The following PCYT1B variants were observed in gnomAD, a reference collection of about 807,000 sequenced individuals.
The protein encoded by PCYT1B is choline-phosphate cytidylyltransferase B.
PCYT1B carries 10 observed loss-of-function variants against 26.4 expected under a neutral mutation model. The ratio of observed to expected loss-of-function variants is 0.38; its 90% CI spans 0.23 to 0.64. PCYT1B has a LOEUF of 0.64. Ranked by LOEUF, PCYT1B falls within the 30% of genes least tolerant of loss-of-function variation. The probability of loss-of-function intolerance (pLI) is 0.56; values close to 1 mark genes in which losing one functional copy is unlikely to be tolerated. For synonymous variants in PCYT1B, 131 were observed against 108.4 expected, an observed-to-expected ratio of 1.21 and a Z score of -1.29; for missense variants, 161 against 292.7, an observed-to-expected ratio of 0.55 and a Z score of 3.28.
chrX:24,599,586 C>T (rs1924895278), intron 3 of PCYT1B, among the ~76,000 whole-genome samples: 1 of 111,282 alleles, frequency 9.0e-6, no homozygotes, highest in African/African-American at 3.3e-5. Context: ...AATTATTTAT[C>T]AAAGTGTATA....
intron 1 of PCYT1B, among the ~76,000 whole-genome samples, chrX:24,671,431 T>C (rs1254064210): frequency 9.0e-6 from 1 of 111,299 alleles, no homozygotes; most frequent in Admixed American, 9.6e-5. Flanking sequence ...CAATATACAG[T>C]ACAAATTTCT....
At chrX:24,670,033 A>C (rs763627231) in intron 1 of PCYT1B, among the ~76,000 whole-genome samples, 1 of 100,043 alleles carries the variant, frequency 1.0e-5, no homozygotes, top group Admixed American at 1.2e-4. Context: ...ACAGAGTAAG[A>C]CCTTGTCTCA....
upstream of PCYT1B, among the ~76,000 whole-genome samples, chrX:24,651,284 G>A (rs1036143529): frequency 2.8e-5 from 3 of 105,275 alleles, no homozygotes; most frequent in East Asian, 3.0e-4. Context: ...GTGAAACCCC[G>A]TCTATTTTAA....
intron 3 of PCYT1B, among the ~76,000 whole-genome samples, chrX:24,603,024 G>C (rs1319836369): frequency 9.0e-6 from 1 of 111,681 alleles, no homozygotes; most frequent in Non-Finnish European, 1.9e-5. Context: ...GGCTGGTTTA[G>C]AACTCCTGAC....
chrX:24,582,278 G>A (rs187966986), intron 5 of PCYT1B, among the ~76,000 whole-genome samples: 32 of 112,420 alleles, frequency 2.8e-4, no homozygotes, highest in Admixed American at 2.7e-3. Context: ...AGTCATGTAA[G>A]ACATTGATGC....
chrX:24,644,449 T>TACACACACACACACAC (rs201474505), intron 1 of PCYT1B, among the ~76,000 whole-genome samples: 16 of 95,358 alleles, frequency 1.7e-4, no homozygotes, highest in Admixed American at 1.2e-3. Flanking sequence ...ATGTGCATGA[T>TACACACACACACACAC]ACACACACAC....
At chrX:24,638,388 G>A (rs1462411505) in intron 1 of PCYT1B, among the ~76,000 whole-genome samples, 1 of 111,681 alleles carries the variant, frequency 9.0e-6, no homozygotes, top group Non-Finnish European at 1.9e-5. Context: ...CCCAAGCAAG[G>A]TCAGCTTCCC....
In PCYT1B at chrX:24,559,374, GAAGA is replaced by G. The variant is rs1177976554; in HGVS notation, c.*2915_*2918del. ...AACAAAGAAGAATGAAAGAAAGAAG[GAAGA>G]AAGAGAAAGAAAAAGAAAGAAAGAA... is the stretch of plus-strand genomic sequence containing the variant. On this transcript the variant is annotated 3_prime_UTR_variant, in exon 8 of 8. Coordinates refer to ENST00000379144, the MANE Select transcript of PCYT1B (RefSeq NM_004845.5). 1.0e-4 allele frequency: 9 copies of G among 90,003 alleles called. No homozygotes were observed. The highest frequency in any genetic ancestry group is 1.3e-4 in the Non-Finnish European group (6 of 45,042). The allele number at this position is 90,003 out of a possible 1,213,427, so 7.4% of individuals were successfully genotyped here.
At chrX:24,591,769 A>T (rs1183551131) in intron 3 of PCYT1B, among the ~76,000 whole-genome samples, 1 of 111,955 alleles carries the variant, frequency 8.9e-6, no homozygotes, top group Non-Finnish European at 1.9e-5. Context: ...TAATTTAAAA[A>T]TTTTAATTGA....
upstream of PCYT1B, among the ~76,000 whole-genome samples, chrX:24,651,472 AATATATATATATATATAT>A (rs200652780): frequency 1.6e-3 from 41 of 26,053 alleles, 1 homozygote; most frequent in African/African-American, 6.5e-3. Flanking sequence ...AAAAAAAAAA[AATATATATATATATATAT>A]ATATATATAT....
At chrX:24,660,678 CAAA>C (rs35663098) in intron 1 of PCYT1B, among the ~76,000 whole-genome samples, 2 of 63,909 alleles carry the variant, frequency 3.1e-5, no homozygotes, top group African/African-American at 6.2e-5. Flanking sequence ...AACTCTATCT[CAAA>C]AAAAAAAAAA....
At chrX:24,563,711 T>C (rs1020388000) in intron 7 of PCYT1B, among the ~76,000 whole-genome samples, 1 of 111,280 alleles carries the variant, frequency 9.0e-6, no homozygotes, top group Non-Finnish European at 1.9e-5. Context: ...GCCAGAGACA[T>C]ATCAGGCGGC....
At chrX:24,612,588 T>A (rs1216107097) in intron 2 of PCYT1B, among the ~76,000 whole-genome samples, 1 of 112,172 alleles carries the variant, frequency 8.9e-6, no homozygotes, top group Non-Finnish European at 1.9e-5. Context: ...CACAATGAGA[T>A]AACACTTCAT....
chrX:24,576,229 A>G (rs901322898), intron 6 of PCYT1B, among the ~76,000 whole-genome samples: 2 of 112,479 alleles, frequency 1.8e-5, no homozygotes, highest in Admixed American at 1.9e-4. Context: ...CCCCCATGAA[A>G]TCATGATGTT....
In PCYT1B at chrX:24,629,802, C is replaced by T. The variant is rs190132104; in HGVS notation, c.118-10718G>A. 2.2e-3 allele frequency among the ~76,000 whole-genome samples: 242 copies of T among 110,396 alleles called. 1 individual carries two copies. The highest frequency in any genetic ancestry group is 7.2e-3 in the African/African-American group (220 of 30,466). On this transcript the variant is annotated intron_variant, in intron 1 of 7. Transcript: ENST00000379144. ...AACCAAACTCCATCTCATGCGGCCA[C>T]TTTCCAACCTCACAGCAGTGAGTGA...
At chrX:24,658,126 T>G (rs1441240398) in intron 1 of PCYT1B, 3 of 112,027 alleles carry the variant, frequency 2.7e-5, no homozygotes, top group Non-Finnish European at 5.6e-5. Flanking sequence ...TGAGCTTGAT[T>G]GACAAGTGAG....
intron 1 of PCYT1B, among the ~76,000 whole-genome samples, chrX:24,658,632 T>C (rs1926974618): frequency 9.1e-6 from 1 of 110,329 alleles, no homozygotes; most frequent in South Asian, 4.0e-4. Context: ...TGGTCACATA[T>C]TCTCTAAGTC....
intron 1 of PCYT1B, among the ~76,000 whole-genome samples, chrX:24,624,170 T>C (rs867172115): frequency 8.7e-4 from 95 of 109,683 alleles, no homozygotes; most frequent in Admixed American, 3.4e-3. Flanking sequence ...AGGGTTTCAC[T>C]GTGTTAACCA....
At chrX:24,671,598 A>G (rs1927258414) in intron 1 of PCYT1B, among the ~76,000 whole-genome samples, 1 of 111,261 alleles carries the variant, frequency 9.0e-6, no homozygotes, top group Non-Finnish European at 1.9e-5. Flanking sequence ...TCCAAGGGGC[A>G]TGAGAAGGTT....
Sources: allele counts gnomAD v4.1 joint callset (sites outside exome capture counted in the v4.1 genomes callset), GRCh38; gene constraint gnomAD v4.1.1; transcripts MANE v1.5; gene names NCBI Gene and HGNC (gene_info 2026-07-23, HGNC 2026-07-21).